Variants in DGKB observed in about 807,000 individuals in gnomAD.
The protein encoded by DGKB is 90 kDa diacylglycerol kinase.
In DGKB, 67 loss-of-function variants were observed where a neutral mutation model predicts 114.3. That is an observed-to-expected ratio of 0.59 (90% CI 0.48 to 0.72). The LOEUF is 0.72. DGKB is among the 30% of genes least tolerant of loss of function. The pLI, the probability that DGKB is intolerant of heterozygous loss-of-function variation, is 0.00. For missense variants in DGKB, 907 were observed against 975.2 expected, an observed-to-expected ratio of 0.93 and a Z score of 0.93; for synonymous variants, 398 against 323.1, an observed-to-expected ratio of 1.23 and a Z score of -2.49.
At chr7:14,861,821 C>A (rs1851020672) in intron 1 of DGKB, among the ~76,000 whole-genome samples, 1 of 151,974 alleles carries the variant, frequency 6.6e-6, no homozygotes. Flanking sequence ...ACTGCTGTGA[C>A]AATTCCATTG....
intron 21 of DGKB, among the ~76,000 whole-genome samples, chr7:14,458,710 A>G (rs374671136): frequency 2.6e-5 from 4 of 152,320 alleles, no homozygotes; most frequent in East Asian, 3.9e-4. Context: ...CCTGCACACC[A>G]GGATATTCAC....
chr7:14,257,247 ATTAG>A (rs1201633914), intron 23 of DGKB, among the ~76,000 whole-genome samples: 1 of 152,258 alleles, frequency 6.6e-6, no homozygotes, highest in African/African-American at 2.4e-5. Context: ...AATAACTCAT[ATTAG>A]TTCTAGGCTT....
chr7:14,175,203 C>G (rs1781547000), intron 25 of DGKB, among the ~76,000 whole-genome samples: 1 of 152,128 alleles, frequency 6.6e-6, no homozygotes, highest in Non-Finnish European at 1.5e-5. Flanking sequence ...TTTAACCTCC[C>G]AGAACTTGTA....
intron 17 of DGKB, among the ~76,000 whole-genome samples, chr7:14,594,973 C>T (rs566814488): frequency 6.6e-6 from 1 of 152,118 alleles, no homozygotes; most frequent in Admixed American, 6.6e-5. Context: ...AGAATTCTTG[C>T]CTTTGAGTAT....
Position 14,698,195 on chromosome 7 carries a change from T to C in DGKB, c.517-26A>G, listed in dbSNP as rs140603056. 14 of 1,367,800 alleles carry C rather than the reference T, an allele frequency of 1.0e-5. No homozygotes were observed. The East Asian group carries it at 3.3e-4, about 33-fold the overall frequency. The allele number at this position is 1,367,800 out of a possible 1,614,324, so 84.7% of individuals were successfully genotyped here. On this transcript the variant is annotated intron_variant, in intron 7 of 25. Coordinates refer to ENST00000402815, the MANE Select transcript of DGKB (RefSeq NM_001350709.2). Reference sequence around the variant, plus strand: ...CTGGAAGAGAAAGAGAGATAAAAAATATGAATACAAGATCTTAGTGAGTTT... The same window carrying C: ...CTGGAAGAGAAAGAGAGATAAAAAACATGAATACAAGATCTTAGTGAGTTT...
intron 4 of DGKB, among the ~76,000 whole-genome samples, chr7:14,737,583 C>G (rs558404032): frequency 6.6e-6 from 1 of 151,968 alleles, no homozygotes; most frequent in African/African-American, 2.4e-5. Flanking sequence ...AGTTTACATA[C>G]GATGTTTGCT....
chr7:14,450,731 T>C (rs1831366312), intron 21 of DGKB, among the ~76,000 whole-genome samples: 1 of 151,876 alleles, frequency 6.6e-6, no homozygotes, highest in Non-Finnish European at 1.5e-5. Flanking sequence ...AAGTAGAAAG[T>C]AGCAAAGAGC....
chr7:14,627,271 C>T lies in DGKB; in HGVS notation c.1167+2965G>A, dbSNP rs181267476. Among the ~76,000 whole-genome samples the T allele has an allele frequency of 6.3e-4, 96 of 152,020 alleles. No individual in the cohort carries two copies. In the East Asian group the frequency reaches 0.012, roughly 20 times the overall value. On this transcript the variant is annotated intron_variant, in intron 14 of 25. Transcript: ENST00000402815. ...ATTTGGGTGGTGTCTTTTTGGGAGACGGGGGACAACAAAACAGACAAAATG... is the reference window on the plus strand; with the variant it reads ...ATTTGGGTGGTGTCTTTTTGGGAGATGGGGGACAACAAAACAGACAAAATG...
In DGKB at chr7:14,212,279, A is replaced by AT. The variant is rs1205361845; in HGVS notation, c.2123-34129dup. ...TGTGATTTTACTCTCATGTTTTGTG[A>AT]TTTTACTCTCATGTTTTGTGATTTT... On this transcript the variant is annotated intron_variant, in intron 23 of 25. Coordinates refer to ENST00000402815, the MANE Select transcript of DGKB (RefSeq NM_001350709.2). Among the ~76,000 whole-genome samples, 2 of 8,846 alleles carry AT rather than the reference A, an allele frequency of 2.3e-4. 1 individual carries two copies. Among genetic ancestry groups the AT allele is most frequent in the Non-Finnish European group, 3.3e-4 (2 of 6,024 alleles). 5.8% of individuals were successfully genotyped at this position (8,846 alleles called of 152,430 possible).
At chr7:14,892,864 A>ATATATGTG (rs1554334466) in intron 1 of DGKB, among the ~76,000 whole-genome samples, 1 of 147,046 alleles carries the variant, frequency 6.8e-6, no homozygotes, top group Non-Finnish European at 1.5e-5. Flanking sequence ...ATATATATAT[A>ATATATGTG]TGTGTGTGTG....
chr7:14,334,493 T>C (rs1425960944), intron 23 of DGKB, among the ~76,000 whole-genome samples: 1 of 151,974 alleles, frequency 6.6e-6, no homozygotes, highest in Non-Finnish European at 1.5e-5. Context: ...AAGTTGTTTT[T>C]GTCTGGTAAC....
chr7:14,966,484 A>G (rs1283071222), intron 1 of DGKB, among the ~76,000 whole-genome samples: 3 of 152,032 alleles, frequency 2.0e-5, no homozygotes, highest in East Asian at 3.9e-4. Context: ...ATTTTTTAAT[A>G]GAGACAGGGT....
Position 14,694,161 on chromosome 7 carries a change from C to G in DGKB, c.625G>C (p.Asp209His). The G allele has an allele frequency of 6.3e-7, 1 of 1,582,700 alleles. No homozygotes were observed. The highest frequency in any genetic ancestry group is 8.6e-7 in the Non-Finnish European group (1 of 1,162,568). Reference protein sequence around the residue: ...LHEMMEEIDYDHDGTVSLEEW... With the variant: ...LHEMMEEIDYHHDGTVSLEEW... ...TCCAGAGACACGGTTCCATCATGAT[C>G]ATAGTCAATTTCTTCCATCATTTCA... Residue 209 changes from aspartate to histidine, a missense_variant, in exon 9 of 26, where the codon GAT becomes CAT. Physicochemically the swap from Asp to His is moderately conservative, Grantham distance 81. Coordinates refer to ENST00000402815, the MANE Select transcript of DGKB (RefSeq NM_001350709.2).
chr7:14,832,884 C>G (rs1030978840), intron 2 of DGKB, among the ~76,000 whole-genome samples: 1 of 152,112 alleles, frequency 6.6e-6, no homozygotes, highest in African/African-American at 2.4e-5. Context: ...CTTTCTTGAG[C>G]TCCAGATATG....
At chr7:14,533,244 T>C (rs1245853219) in intron 20 of DGKB, among the ~76,000 whole-genome samples, 1 of 151,852 alleles carries the variant, frequency 6.6e-6, no homozygotes, top group Non-Finnish European at 1.5e-5. Context: ...GCCTCTATAG[T>C]AGACTCAGTC....
intron 21 of DGKB, among the ~76,000 whole-genome samples, chr7:14,368,189 G>T (rs996207697): frequency 6.6e-6 from 1 of 150,940 alleles, no homozygotes; most frequent in Non-Finnish European, 1.5e-5. Context: ...AGAGTGGTAC[G>T]TTTATTATAA....
At chr7:14,398,689 G>A (rs1178853772) in intron 21 of DGKB, among the ~76,000 whole-genome samples, 1 of 151,852 alleles carries the variant, frequency 6.6e-6, no homozygotes, top group Non-Finnish European at 1.5e-5. Flanking sequence ...GAGATTAGAA[G>A]CTCATCAAGG....
At chr7:14,730,879 C>T (rs780322155) in intron 5 of DGKB, among the ~76,000 whole-genome samples, 2 of 152,128 alleles carry the variant, frequency 1.3e-5, no homozygotes, top group Non-Finnish European at 2.9e-5. Flanking sequence ...TTAAAAAATG[C>T]TCTGACAGTT....
At chr7:14,224,205 T>C (rs1790433208) in intron 23 of DGKB, among the ~76,000 whole-genome samples, 1 of 151,980 alleles carries the variant, frequency 6.6e-6, no homozygotes, top group South Asian at 2.1e-4. Context: ...TTCTTCATTG[T>C]TAAAAATTGT....
Sources: allele counts gnomAD v4.1 joint callset (sites outside exome capture counted in the v4.1 genomes callset), GRCh38; gene constraint gnomAD v4.1.1; transcripts MANE v1.5; gene names NCBI Gene and HGNC (gene_info 2026-07-23, HGNC 2026-07-21).